Variants in ERC1 observed in about 807,000 individuals in gnomAD.
ERC1 encodes ELKS/RAB6-interacting/CAST family member 1, also known as RAB6 interacting protein 2.
ERC1 carries 56 observed loss-of-function variants against 132.0 expected under a neutral mutation model. The observed-to-expected ratio is 0.42, with a 90% CI of 0.34 to 0.53. The LOEUF (loss-of-function observed/expected upper bound fraction) is 0.53. Among genes scored for constraint, ERC1 ranks in the 20% least tolerant of loss-of-function variants. The pLI is 0.03. For synonymous variants in ERC1, 478 were observed against 476.1 expected, an observed-to-expected ratio of 1.00 and a Z score of -0.05; for missense variants, 1,202 against 1,349.9, an observed-to-expected ratio of 0.89 and a Z score of 1.72.
At chr12:1,016,706 G>GCGATCT (rs1292238627) in intron 1 of ERC1, among the ~76,000 whole-genome samples, 1 of 138,418 alleles carries the variant, frequency 7.2e-6, no homozygotes, top group Admixed American at 7.4e-5. Flanking sequence ...GTGCAGTGGT[G>GCGATCT]CGATCTCGAT....
intron 15 of ERC1, among the ~76,000 whole-genome samples, chr12:1,338,127 G>A (rs920763765): frequency 2.6e-5 from 4 of 152,110 alleles, no homozygotes; most frequent in South Asian, 2.1e-4. Flanking sequence ...CCTGAAATAC[G>A]TTTTCAGTTG....
chr12:1,051,408 G>A (rs1471159037), intron 2 of ERC1, among the ~76,000 whole-genome samples: 1 of 151,940 alleles, frequency 6.6e-6, no homozygotes, highest in Non-Finnish European at 1.5e-5. Context: ...AAAGAAGACT[G>A]GCTGGGCATG....
At position 1,183,681 on chromosome 12, in the gene ERC1, A is replaced by T. The variant is rs1954742506; in HGVS notation, c.2157+260A>T. On this transcript the variant is annotated intron_variant, in intron 11 of 18. Coordinates refer to ENST00000360905, the MANE Select transcript of ERC1 (RefSeq NM_178040.4). ...TCTTGTGGGTAAAATATGAGACCAG[A>T]GTGTAAAAATCTCTGTTACCTGATA... Among the ~76,000 whole-genome samples the T allele has an allele frequency of 2.0e-5, 3 of 152,198 alleles. No individual in the cohort carries two copies. The South Asian group carries it at 6.2e-4, about 32-fold the overall frequency.
rs556917835 is a variant in ERC1, at chr12:1,009,275, C to T, written c.-157+17953C>T. ...CTGCAAGCTCCGCCTCCCGGGTTCA[C>T]GCCATTCTCCTGCCTCAGCCTCCCG... On this transcript the variant is annotated intron_variant, in intron 1 of 18. Coordinates refer to ENST00000360905, the MANE Select transcript of ERC1 (RefSeq NM_178040.4). 8.6e-5 allele frequency among the ~76,000 whole-genome samples: 13 copies of T among 151,682 alleles called. No homozygotes were observed. The South Asian group carries it at 1.7e-3, about 19-fold the overall frequency.
chr12:1,405,666 G>T lies in ERC1; in HGVS notation c.2926-2483G>T, dbSNP rs140637936. Among the ~76,000 whole-genome samples the T allele has an allele frequency of 5.2e-3, 793 of 152,270 alleles. 9 individuals are homozygous for T. Among genetic ancestry groups the T allele is most frequent in the African/African-American group, 0.018 (732 of 41,544 alleles). On this transcript the variant is annotated intron_variant, in intron 16 of 18. Transcript: ENST00000360905. ...TGCAGTGAGCCAGGATCACGCCATT[G>T]CACTCCAGTCTGGGTGACAGAGCAA...
At chr12:1,458,008 T>C (rs991574628) in intron 18 of ERC1, among the ~76,000 whole-genome samples, 2 of 152,228 alleles carry the variant, frequency 1.3e-5, no homozygotes, top group African/African-American at 2.4e-5. Context: ...TCAACTGATA[T>C]AGCCAAAATG....
intron 1 of ERC1, among the ~76,000 whole-genome samples, chr12:999,880 C>T (rs61917256): frequency 0.15 from 22,830 of 152,032 alleles, 2,139 homozygotes; most frequent in Non-Finnish European, 0.21. Flanking sequence ...CAGGCGTGAG[C>T]CACTGTGCCC....
intron 16 of ERC1, among the ~76,000 whole-genome samples, chr12:1,395,086 T>A (rs2090417988): frequency 6.6e-6 from 1 of 152,224 alleles, no homozygotes; most frequent in African/African-American, 2.4e-5. Context: ...TCCTATGACA[T>A]TAAAACTAGA....
At chr12:1,147,502 C>T (rs1407197137) in intron 8 of ERC1, among the ~76,000 whole-genome samples, 2 of 152,102 alleles carry the variant, frequency 1.3e-5, no homozygotes, top group African/African-American at 4.8e-5. Context: ...ATTTTTCTCC[C>T]ATTGTGCTTC....
At chr12:1,401,682 C>T (rs1243531565) in intron 16 of ERC1, among the ~76,000 whole-genome samples, 1 of 148,292 alleles carries the variant, frequency 6.7e-6, no homozygotes, top group Non-Finnish European at 1.5e-5. Context: ...TCTCAGAATA[C>T]TTGGCACTTA....
At chr12:1,212,451 G>T (rs1957965409) in intron 12 of ERC1, among the ~76,000 whole-genome samples, 2 of 152,208 alleles carry the variant, frequency 1.3e-5, no homozygotes, top group Admixed American at 1.3e-4. Context: ...GCTCTTTCCT[G>T]TCCACTCTAA....
At chr12:1,379,933 A>C (rs2088435185) in intron 16 of ERC1, 1 of 152,278 alleles carries the variant, frequency 6.6e-6, no homozygotes, top group Non-Finnish European at 1.5e-5. Context: ...GCTGACTACC[A>C]CAGCAAGTGC....
chr12:1,423,360 CAAAT>C (rs1158198369), intron 17 of ERC1, among the ~76,000 whole-genome samples: 3 of 152,204 alleles, frequency 2.0e-5, no homozygotes, highest in Admixed American at 6.5e-5. Flanking sequence ...GTTGTCTGCT[CAAAT>C]AAACTCTTTA....
intron 12 of ERC1, among the ~76,000 whole-genome samples, chr12:1,210,573 A>G (rs1190212503): frequency 1.3e-5 from 2 of 152,214 alleles, no homozygotes; most frequent in African/African-American, 2.4e-5. Context: ...CTCCTGTCAT[A>G]GGCAGGAGGG....
chr12:1,101,949 G>A (rs1364665300), intron 3 of ERC1, among the ~76,000 whole-genome samples: 1 of 152,032 alleles, frequency 6.6e-6, no homozygotes, highest in Admixed American at 6.6e-5. Context: ...TTTCTAATTC[G>A]CATAAAGTTA....
intron 8 of ERC1, among the ~76,000 whole-genome samples, chr12:1,172,964 G>A (rs184243772): frequency 1.3e-5 from 2 of 152,274 alleles, no homozygotes; most frequent in African/African-American, 4.8e-5. Context: ...AGCAGCTTTA[G>A]TGTATGGTGA....
chr12:1,290,101 C>G (rs2079335007), intron 15 of ERC1, 89 bp downstream of exon 15: 1 of 1,119,562 alleles, frequency 8.9e-7, no homozygotes, highest in African/African-American at 1.6e-5. Context: ...GTGTTTTACC[C>G]CAATACACTT....
At chr12:1,052,444 C>G (rs904456487) in intron 2 of ERC1, among the ~76,000 whole-genome samples, 1 of 151,830 alleles carries the variant, frequency 6.6e-6, no homozygotes, top group Non-Finnish European at 1.5e-5. Flanking sequence ...GATAATAAAC[C>G]GCTGTGTTTT....
chr12:1,077,752 A>G (rs1192436742), intron 2 of ERC1, among the ~76,000 whole-genome samples: 1 of 152,198 alleles, frequency 6.6e-6, no homozygotes, highest in Non-Finnish European at 1.5e-5. Context: ...GTTGATCATT[A>G]TAGATGTCTG....
Sources: gnomAD v4.1 joint callset for allele counts (sites outside exome capture counted in the v4.1 genomes callset) on GRCh38, gnomAD v4.1.1 for gene constraint, MANE v1.5 for transcripts, NCBI Gene and HGNC (gene_info 2026-07-23, HGNC 2026-07-21) for gene names.